CELF2: variants seen among roughly 807,000 people sequenced by gnomAD.
CELF2 encodes CUGBP Elav-like family member 2, also known as CUG triplet repeat RNA-binding protein 2.
Under a neutral mutation model 62.6 loss-of-function variants are expected in CELF2, and 8 were observed. The observed-to-expected ratio is 0.13, with a 90% confidence interval of 0.07 to 0.23. CELF2 has a LOEUF of 0.23. CELF2 is among the 10% of genes least tolerant of loss of function. The pLI is 1.00. For missense variants in CELF2, 333 were observed against 671.0 expected, an observed-to-expected ratio of 0.50 and a Z score of 5.56; for synonymous variants, 258 against 250.0, an observed-to-expected ratio of 1.03 and a Z score of -0.30.
At chr10:11,204,526 G>C (rs186888238) in intron 2 of CELF2, among the ~76,000 whole-genome samples, 1 of 152,368 alleles carries the variant, frequency 6.6e-6, no homozygotes, top group African/African-American at 2.4e-5. Context: ...CCGGTGCCTG[G>C]CACCACGCCA....
At position 11,314,448 on chromosome 10, in the gene CELF2, C is replaced by G. The variant is rs772787143; in HGVS notation, c.1096+190C>G. 1.4e-6 allele frequency: 1 copy of G among 698,972 alleles called. No homozygotes were observed. The highest frequency in any genetic ancestry group is 2.5e-6 in the Non-Finnish European group (1 of 393,180). 43.3% of individuals were successfully genotyped at this position (698,972 alleles called of 1,614,324 possible). A position where few individuals can be genotyped will look rare whatever the true frequency, so the allele number is the denominator to read the frequency against. ...CGTTTTGCCTCAGAAAATCCCCAACCACTCTCCACCCCCAGATTCTCTTCA... is the reference window on the plus strand; with the variant it reads ...CGTTTTGCCTCAGAAAATCCCCAACGACTCTCCACCCCCAGATTCTCTTCA... On this transcript the variant is annotated intron_variant, in intron 10 of 12. Transcript: ENST00000633077. The surrounding 1 kb of genome is among the most constrained non-coding windows in gnomAD (Gnocchi z 5.3).
chr10:10,535,400 C>A, the CELF2 span, among the ~76,000 whole-genome samples: 2 of 152,178 alleles, frequency 1.3e-5, no homozygotes, highest in Non-Finnish European at 2.9e-5. Context: ...CTTGGGTGAG[C>A]AGGAACCGTA....
At chr10:10,770,440 G>C in the CELF2 span, among the ~76,000 whole-genome samples, 30 of 152,168 alleles carry the variant, frequency 2.0e-4, no homozygotes, top group Non-Finnish European at 3.4e-4. Context: ...GGAGAATGAG[G>C]TTGCAGGGTA....
intron 1 of CELF2, among the ~76,000 whole-genome samples, chr10:11,147,754 T>A (rs911006960): frequency 3.9e-5 from 6 of 152,162 alleles, no homozygotes; most frequent in African/African-American, 1.4e-4. Context: ...TAGGAGGAAA[T>A]TGTCCTGATT....
intron 1 of CELF2, among the ~76,000 whole-genome samples, chr10:10,898,979 T>C: frequency 6.6e-6 from 1 of 152,196 alleles, no homozygotes; most frequent in East Asian, 1.9e-4. Flanking sequence ...AAATAAAACA[T>C]TTCTGCATAA....
intron 1 of CELF2, among the ~76,000 whole-genome samples, chr10:10,866,835 G>A (rs1490950529): frequency 6.7e-6 from 1 of 149,084 alleles, no homozygotes; most frequent in African/African-American, 2.5e-5. Context: ...CAGGAGAATC[G>A]CTTGAACCCA....
chr10:11,071,883 G>A (rs2070163622), intron 1 of CELF2, among the ~76,000 whole-genome samples: 1 of 152,182 alleles, frequency 6.6e-6, no homozygotes, highest in Admixed American at 6.5e-5. Context: ...CGAGTCAATG[G>A]GGTCATGTTG....
At chr10:11,326,446 G>A (rs557685276) in intron 12 of CELF2, among the ~76,000 whole-genome samples, 30 of 152,224 alleles carry the variant, frequency 2.0e-4, no homozygotes, top group Non-Finnish European at 3.1e-4. Context: ...CAGATCTCAC[G>A]GTTACATAGC....
In CELF2 at chr10:11,324,079, C is replaced by T. The variant is rs568289486; in HGVS notation, c.1295-1757C>T. On this transcript the variant is annotated intron_variant, in intron 11 of 12. Transcript: ENST00000633077. The surrounding 1 kb of genome is among the most constrained non-coding windows in gnomAD (Gnocchi z 4.7). ...CAAAAGGACAAAACCTACTTGTGTG[C>T]GTTTACTGGTCTCTCTGTTTCCTTG... Among the ~76,000 whole-genome samples, 62 of 152,218 alleles carry T rather than the reference C, an allele frequency of 4.1e-4. No homozygotes were observed. The South Asian group carries it at 0.012, about 30-fold the overall frequency.
At chr10:10,850,570 A>T (rs1228806326) in intron 1 of CELF2, among the ~76,000 whole-genome samples, 1 of 152,210 alleles carries the variant, frequency 6.6e-6, no homozygotes, top group Non-Finnish European at 1.5e-5. Flanking sequence ...ACGAGAAATT[A>T]TCAGACTCTA....
intron 9 of CELF2, 33 bp downstream of exon 9, chr10:11,288,585 G>A (rs2277215): frequency 0.3 from 478,972 of 1,609,100 alleles, 76,228 homozygotes; most frequent in East Asian, 0.61. Context: ...CCTTGCAGGT[G>A]ATGCAGCAGG....
chr10:10,671,061 C>T, the CELF2 span, among the ~76,000 whole-genome samples: 516 of 149,148 alleles, frequency 3.5e-3, no homozygotes, highest in Middle Eastern at 0.017. Context: ...CAGTCACTTG[C>T]GGGGTGAGGT....
intron 1 of CELF2, among the ~76,000 whole-genome samples, chr10:11,035,636 G>C (rs1384420338): frequency 6.6e-6 from 1 of 152,190 alleles, no homozygotes; most frequent in Admixed American, 6.5e-5. Flanking sequence ...TTTTCACTCT[G>C]TAAGGCTAAT....
intron 1 of CELF2, among the ~76,000 whole-genome samples, chr10:11,132,765 G>T (rs929207740): frequency 3.3e-5 from 5 of 152,182 alleles, no homozygotes; most frequent in African/African-American, 1.2e-4. Context: ...CGTCCAAAGG[G>T]TATCATAGAA....
At position 11,111,418 on chromosome 10, in the gene CELF2, A is replaced by G. The variant is rs189001037; in HGVS notation, c.75-54068A>G. ...GTTGTAGTTAAAAATGATTCATAAG[A>G]AAAAGCTTAGTTTTTCTTTGATCTG... On this transcript the variant is annotated intron_variant, in intron 1 of 12. Coordinates refer to ENST00000633077, the MANE Select transcript of CELF2 (RefSeq NM_001326342.2). 3.9e-3 allele frequency among the ~76,000 whole-genome samples: 597 copies of G among 152,312 alleles called. 12 individuals are homozygous for G. The highest frequency in any genetic ancestry group is 6.8e-3 in the Middle Eastern group (2 of 294).
chr10:11,105,518 C>T (rs1455982542), intron 1 of CELF2: 1 of 152,212 alleles, frequency 6.6e-6, no homozygotes, highest in African/African-American at 2.4e-5. Flanking sequence ...ACAACAGTGA[C>T]TCCTAGATGT....
intron 5 of CELF2, 48 bp downstream of exon 5, chr10:11,257,920 C>T: frequency 1.2e-6 from 2 of 1,605,626 alleles, no homozygotes; most frequent in Non-Finnish European, 1.7e-6. Flanking sequence ...CTAATTGGAG[C>T]TCTGTGTCAC....
At chr10:11,320,932 C>G in intron 10 of CELF2, 1 of 1,547,232 alleles carries the variant, frequency 6.5e-7, no homozygotes. Context: ...TGGCATTGAG[C>G]TGTCTCGTCT....
intron 1 of CELF2, among the ~76,000 whole-genome samples, chr10:11,040,049 T>C (rs10905889): frequency 0.18 from 26,784 of 152,142 alleles, 3,503 homozygotes; most frequent in East Asian, 0.65. Flanking sequence ...CGTAGGAAAA[T>C]AGTAAATTTT....
Sources: gnomAD v4.1 joint callset for allele counts (sites outside exome capture counted in the v4.1 genomes callset) on GRCh38, gnomAD v4.1.1 for gene constraint, Gnocchi (gnomAD v3.1) non-coding constraint, MANE v1.5 for transcripts, NCBI Gene and HGNC (gene_info 2026-07-23, HGNC 2026-07-21) for gene names.